STK24: variants seen among roughly 807,000 people sequenced by gnomAD.
STK24 encodes the protein serine/threonine-protein kinase 24.
A neutral mutation model predicts 55.6 loss-of-function variants in STK24; 21 were observed. That is an observed-to-expected ratio of 0.38 (90% CI 0.27 to 0.54). The LOEUF (loss-of-function observed/expected upper bound fraction) is 0.54, where lower values mean the gene tolerates loss of function less well. Among genes scored for constraint, STK24 ranks in the 20% least tolerant of loss-of-function variants. STK24 has a pLI of 0.79. For missense variants in STK24, 383 were observed against 538.4 expected, an observed-to-expected ratio of 0.71 and a Z score of 2.86; for synonymous variants, 200 against 215.2, an observed-to-expected ratio of 0.93 and a Z score of 0.62.
chr13:98,520,659 G>A (rs1476261670), intron 1 of STK24, among the ~76,000 whole-genome samples: 2 of 152,232 alleles, frequency 1.3e-5, no homozygotes, highest in African/African-American at 4.8e-5. Flanking sequence ...CATGAGTGAC[G>A]TGAGCCTCAG....
At chr13:98,493,232 G>A (rs1395434063) in intron 2 of STK24, among the ~76,000 whole-genome samples, 1 of 152,162 alleles carries the variant, frequency 6.6e-6, no homozygotes, top group East Asian at 1.9e-4. Flanking sequence ...TTGCGTGTGT[G>A]CGTGTGCTCG....
At chr13:98,472,480 T>TG (rs1894190472) in intron 5 of STK24, among the ~76,000 whole-genome samples, 1 of 152,220 alleles carries the variant, frequency 6.6e-6, no homozygotes, top group Non-Finnish European at 1.5e-5. Flanking sequence ...CACATGGCCC[T>TG]GTCTCCTTTT....
chr13:98,474,425 G>A (rs1430227559), intron 5 of STK24, among the ~76,000 whole-genome samples: 3 of 152,106 alleles, frequency 2.0e-5, no homozygotes, highest in Non-Finnish European at 2.9e-5. Flanking sequence ...CAAGGTTGCC[G>A]ATTCCACGCA....
intron 1 of STK24, among the ~76,000 whole-genome samples, chr13:98,558,264 T>C (rs1384671866): frequency 6.6e-6 from 1 of 152,186 alleles, no homozygotes; most frequent in East Asian, 1.9e-4. Flanking sequence ...TCAACACACA[T>C]CTTTCTTCCC....
chr13:98,517,942 A>G (rs1896125178), intron 2 of STK24, among the ~76,000 whole-genome samples: 1 of 152,222 alleles, frequency 6.6e-6, no homozygotes, highest in African/African-American at 2.4e-5. Context: ...ACTTTCACAT[A>G]CTTAATTCCA....
rs398038978 is a variant in STK24, at chr13:98,503,024, G to GTTTTTTTTTTTTTTTTTTTTTTTTTTTT, written c.273+16218_273+16219insAAAAAAAAAAAAAAAAAAAAAAAAAAAA. 3.7e-5 allele frequency among the ~76,000 whole-genome samples: 4 copies of GTTTTTTTTTTTTTTTTTTTTTTTTTTTT among 107,084 alleles called. 1 individual carries two copies. Among genetic ancestry groups the GTTTTTTTTTTTTTTTTTTTTTTTTTTTT allele is most frequent in the African/African-American group, 1.6e-4 (4 of 25,010 alleles). The allele number at this position is 107,084 out of a possible 152,430, so 70.3% of individuals were successfully genotyped here. A position where few individuals can be genotyped will look rare whatever the true frequency, so the allele number is the denominator to read the frequency against. Reference sequence around the variant, plus strand: ...AATATATTAGAAATACTTTCCATGTGTTTTTTTTTTTTTTTTTCAGTATGG... The same window carrying GTTTTTTTTTTTTTTTTTTTTTTTTTTTT: ...AATATATTAGAAATACTTTCCATGTGTTTTTTTTTTTTTTTTTTTTTTTTTTTTTTTTTTTTTTTTTTTTTCAGTATGG... On this transcript the variant is annotated intron_variant, in intron 2 of 10. Coordinates refer to ENST00000539966, the MANE Select transcript of STK24 (RefSeq NM_001032296.4).
At chr13:98,494,446 A>G (rs957233985) in intron 2 of STK24, among the ~76,000 whole-genome samples, 1 of 148,598 alleles carries the variant, frequency 6.7e-6, no homozygotes, top group Non-Finnish European at 1.5e-5. Flanking sequence ...TAACAGTATT[A>G]TAAGGAAAAA....
intron 1 of STK24, among the ~76,000 whole-genome samples, chr13:98,523,083 C>A (rs1282780325): frequency 6.6e-6 from 1 of 152,150 alleles, no homozygotes; most frequent in Non-Finnish European, 1.5e-5. Context: ...TTCAGTCAAC[C>A]GGGGGTGGGC....
rs1331393792 is a variant in STK24 at position 98,457,182 on chromosome 13, C to G, written c.1245G>C (p.Val415=). The part of the protein sequence containing the change: ...GISDTMVAQL[V]QRLQRYSLSG... Reference sequence around the variant, plus strand: ...TGGGTAGTTACCTCTGGAGCCGCTGCACGAGCTGGGCCACCATGGTGTCGG... The same window carrying G: ...TGGGTAGTTACCTCTGGAGCCGCTGGACGAGCTGGGCCACCATGGTGTCGG... The change falls in exon 10 of 11, where the codon GTG becomes GTC. Residue 415 remains valine (V), a synonymous_variant. Transcript: ENST00000539966. 1 of 1,611,330 alleles carries G rather than the reference C, an allele frequency of 6.2e-7. No homozygotes were observed. Among genetic ancestry groups the G allele is most frequent in the Admixed American group, 1.7e-5 (1 of 59,880 alleles).
At chr13:98,534,274 G>A (rs1373303928) in intron 1 of STK24, among the ~76,000 whole-genome samples, 1 of 152,200 alleles carries the variant, frequency 6.6e-6, no homozygotes, top group African/African-American at 2.4e-5. Context: ...CAATGAAACT[G>A]CCTCTGCAAA....
In STK24 at chr13:98,456,477, C is replaced by T. The variant is rs7333130; in HGVS notation, c.1259+691G>A. 2.9e-3 allele frequency: 1,466 copies of T among 511,248 alleles called. 18 individuals are homozygous for T. The highest frequency in any genetic ancestry group is 0.026 in the African/African-American group (1,338 of 51,350). The allele number at this position is 511,248 out of a possible 1,614,324, so 31.7% of individuals were successfully genotyped here. On this transcript the variant is annotated intron_variant, in intron 10 of 10. Coordinates refer to ENST00000539966, the MANE Select transcript of STK24 (RefSeq NM_001032296.4). ...ATCACCCTCAGGTCACACAGAGCGGCTTCCCAGCACACATCCACTGCCTCC... is the reference window on the plus strand; with the variant it reads ...ATCACCCTCAGGTCACACAGAGCGGTTTCCCAGCACACATCCACTGCCTCC...
chr13:98,471,420 C>T (rs1337584778), intron 5 of STK24, among the ~76,000 whole-genome samples: 1 of 152,190 alleles, frequency 6.6e-6, no homozygotes, highest in African/African-American at 2.4e-5. Context: ...AGCCCAAGAC[C>T]TTTCTCTAGT....
intron 1 of STK24, among the ~76,000 whole-genome samples, chr13:98,523,804 G>C (rs1427976201): frequency 1.3e-5 from 2 of 152,232 alleles, no homozygotes; most frequent in Admixed American, 1.3e-4. Flanking sequence ...GTTTTGGTTG[G>C]CTTGCTACTC....
In STK24 at chr13:98,446,016, C is replaced by T. The variant is rs146429755; in HGVS notation, c.*7157G>A. The stretch of plus-strand genomic sequence containing the variant: ...GTCACGGACATGCCCCAGCCCAGGG[C>T]CCTGGTGCAGGGAGAGCTGCTCTCT... On this transcript the variant is annotated 3_prime_UTR_variant, in exon 11 of 11. Coordinates refer to ENST00000539966, the MANE Select transcript of STK24 (RefSeq NM_001032296.4). 1 of 928,768 alleles carries T rather than the reference C, an allele frequency of 1.1e-6. No individual in the cohort carries two copies. The highest frequency in any genetic ancestry group is 2.4e-5 in the East Asian group (1 of 40,958). 57.5% of individuals were successfully genotyped at this position (928,768 alleles called of 1,614,324 possible). A position where few individuals can be genotyped will look rare whatever the true frequency, so the allele number is the denominator to read the frequency against.
intron 1 of STK24, among the ~76,000 whole-genome samples, chr13:98,548,302 G>C (rs912016828): frequency 6.6e-6 from 1 of 152,132 alleles, no homozygotes; most frequent in East Asian, 1.9e-4. Flanking sequence ...GACATAGTAA[G>C]TGCTCCCCTG....
chr13:98,465,583 T>G (rs1264397946), intron 6 of STK24, among the ~76,000 whole-genome samples: 3 of 152,248 alleles, frequency 2.0e-5, no homozygotes, highest in African/African-American at 4.8e-5. Context: ...TGCATCTCCT[T>G]AGACGTACTT....
At chr13:98,489,477 C>T (rs936897685) in intron 2 of STK24, among the ~76,000 whole-genome samples, 12 of 152,216 alleles carry the variant, frequency 7.9e-5, no homozygotes, top group African/African-American at 2.9e-4. Flanking sequence ...ACTAGGTACC[C>T]AGGGTGGCTG....
chr13:98,572,307 A>G (rs558627953), intron 1 of STK24, among the ~76,000 whole-genome samples: 23 of 152,174 alleles, frequency 1.5e-4, no homozygotes, highest in Admixed American at 3.9e-4. Context: ...GCAAGTCCCC[A>G]AGGTGCTCTC....
chr13:98,568,643 G>A (rs1897650644), intron 1 of STK24, among the ~76,000 whole-genome samples: 1 of 152,068 alleles, frequency 6.6e-6, no homozygotes, highest in Non-Finnish European at 1.5e-5. Flanking sequence ...GAGGCATGTG[G>A]ATCACCTGAG....
Sources: gnomAD v4.1 joint callset for allele counts (sites outside exome capture counted in the v4.1 genomes callset) on GRCh38, gnomAD v4.1.1 for gene constraint, MANE v1.5 for transcripts, NCBI Gene and HGNC (gene_info 2026-07-23, HGNC 2026-07-21) for gene names.